The following PRLR variants were observed in gnomAD, a reference collection of about 807,000 sequenced individuals.
The protein encoded by PRLR is hPRL receptor.
Under a neutral mutation model 40.2 loss-of-function variants are expected in PRLR, and 13 were observed. That is an observed-to-expected ratio of 0.32 (90% CI 0.21 to 0.51). The LOEUF is 0.51. Among genes scored for constraint, PRLR ranks in the 20% least tolerant of loss-of-function variants. The probability of loss-of-function intolerance (pLI) is 0.97; values close to 1 mark genes in which losing one functional copy is unlikely to be tolerated. For missense variants in PRLR, 656 were observed against 747.3 expected (o/e 0.88, Z 1.42); for synonymous variants, 269 against 278.7 (o/e 0.97, Z 0.35).
In PRLR at chr5:35,060,732, A is replaced by C. The variant is rs1768986539; in HGVS notation, c.*4357T>G. 6.6e-6 allele frequency: 1 copy of C among 152,234 alleles called. No homozygotes were observed. Among genetic ancestry groups the C allele is most frequent in the African/African-American group, 2.4e-5 (1 of 41,470 alleles). The allele number at this position is 152,234 out of a possible 1,614,324, so 9.4% of individuals were successfully genotyped here. A position where few individuals can be genotyped will look rare whatever the true frequency, so the allele number is the denominator to read the frequency against. ...AAATTTGTTCACTCAAGAACACATG[A>C]GACTTTCGTCAATGGCACATCTACG... On this transcript the variant is annotated 3_prime_UTR_variant, in exon 10 of 10. Coordinates refer to ENST00000618457, the MANE Select transcript of PRLR (RefSeq NM_000949.7).
intron 1 of PRLR, among the ~76,000 whole-genome samples, chr5:35,132,328 C>T (rs923503941): frequency 1.3e-5 from 2 of 152,114 alleles, no homozygotes; most frequent in African/African-American, 2.4e-5. Context: ...GCTCCTGACC[C>T]CTCTTTCTAG....
chr5:35,151,946 T>C (rs1774353765), intron 1 of PRLR, among the ~76,000 whole-genome samples: 1 of 152,210 alleles, frequency 6.6e-6, no homozygotes, highest in South Asian at 2.1e-4. Context: ...ATAAAGCAAC[T>C]AGTTGACCGG....
chr5:35,214,240 C>T (rs1293822777), intron 1 of PRLR, among the ~76,000 whole-genome samples: 5 of 152,138 alleles, frequency 3.3e-5, no homozygotes, highest in Admixed American at 6.5e-5. Flanking sequence ...AGGAGTTTTC[C>T]TCCATGCTTA....
At chr5:35,162,733 G>A (rs1177438499) in intron 1 of PRLR, among the ~76,000 whole-genome samples, 2 of 152,276 alleles carry the variant, frequency 1.3e-5, no homozygotes, top group Admixed American at 6.5e-5. Flanking sequence ...GCAGCTCACT[G>A]GCTGCAGAAC....
rs559998751 is a variant in PRLR at position 35,062,824 on chromosome 5, A to C, written c.*2265T>G. On this transcript the variant is annotated 3_prime_UTR_variant, in exon 10 of 10. Transcript: ENST00000618457. The stretch of plus-strand genomic sequence containing the variant: ...TCATTCTTTTATGTGAATTCATATA[A>C]GATTCAGCATAATGTGAATCTTAAA... 4.6e-5 allele frequency: 7 copies of C among 152,348 alleles called. No individual in the cohort carries two copies. The South Asian group carries it at 1.0e-3, about 23-fold the overall frequency. 9.4% of individuals were successfully genotyped at this position (152,348 alleles called of 1,614,324 possible).
intron 1 of PRLR, among the ~76,000 whole-genome samples, chr5:35,161,168 C>T (rs1774662715): frequency 6.6e-6 from 1 of 152,188 alleles, no homozygotes; most frequent in African/African-American, 2.4e-5. Flanking sequence ...CCTTGGAAGA[C>T]ATCAGAGAAG....
chr5:35,131,692 C>T (rs1214507013), intron 1 of PRLR, among the ~76,000 whole-genome samples: 1 of 152,076 alleles, frequency 6.6e-6, no homozygotes, highest in Non-Finnish European at 1.5e-5. Context: ...TAGCTTGGAA[C>T]TCTGAACATA....
chr5:35,119,590 T>G (rs1773208247), intron 1 of PRLR, among the ~76,000 whole-genome samples: 1 of 152,200 alleles, frequency 6.6e-6, no homozygotes, highest in African/African-American at 2.4e-5. Flanking sequence ...TGGGGCACGT[T>G]TCTTAGGAGC....
intron 6 of PRLR, 130 bp downstream of exon 6, chr5:35,072,445 G>T: frequency 2.0e-6 from 2 of 1,011,156 alleles, no homozygotes; most frequent in South Asian, 3.3e-5. Flanking sequence ...TTCACATCTG[G>T]GTGGGTCACA....
At position 35,070,146 on chromosome 5, in the gene PRLR, C is replaced by T. The variant is rs780563899; in HGVS notation, c.663G>A (p.Ala221=). 3.3e-5 allele frequency: 53 copies of T among 1,613,236 alleles called. No homozygotes were observed. The highest frequency in any genetic ancestry group is 8.0e-5 in the African/African-American group (6 of 74,988). Residue 221 remains alanine (A), a synonymous_variant, in exon 7 of 10, where the codon GCG becomes GCA. Transcript: ENST00000618457. The part of the protein sequence containing the change: ...DHGYWSAWSP[A]TFIQIPSDFT... ...CACCACTAGGTATCTGAATGAAGGT[C>T]GCTGGACTCCATGCACTCCAGTATC...
In PRLR at chr5:35,200,060, T is replaced by G. The variant is rs147716988; in HGVS notation, c.-106+30208A>C. Among the ~76,000 whole-genome samples, 756 of 152,226 alleles carry G rather than the reference T, an allele frequency of 5.0e-3. 24 individuals carry two copies. Among genetic ancestry groups the G allele is most frequent in the Admixed American group, 0.047 (716 of 15,282 alleles). ...CTGATGATTGCCAAGAAAGAAGAGG[T>G]AGTGCTGGACAAAGCCGCACATTGT... On this transcript the variant is annotated intron_variant, in intron 1 of 9. Coordinates refer to ENST00000618457, the MANE Select transcript of PRLR (RefSeq NM_000949.7).
chr5:35,115,993 T>C (rs1432090326), intron 2 of PRLR, among the ~76,000 whole-genome samples: 1 of 152,196 alleles, frequency 6.6e-6, no homozygotes, highest in African/African-American at 2.4e-5. Context: ...AACTGAGCTG[T>C]GTTTCTGTTT....
At chr5:35,156,138 AACAAAAAAAAAAAC>A (rs1373417644) in intron 1 of PRLR, among the ~76,000 whole-genome samples, 1 of 149,332 alleles carries the variant, frequency 6.7e-6, no homozygotes, top group African/African-American at 2.5e-5. Context: ...AAAAAAAAAA[AACAAAAAAAAAAAC>A]AAAACCAACT....
In PRLR at chr5:35,065,168, G is replaced by A. The variant is rs151149907; in HGVS notation, c.1790C>T (p.Ala597Val). ...CTGGAGCCTGCACTTGCTTGATGTT[G>A]CAGTGAAGTTGGCCAGGGCTTTCTC... is the stretch of plus-strand genomic sequence containing the variant. Reference protein sequence around the residue: ...QAEKALANFTATSSKCRLQLG... With the variant: ...QAEKALANFTVTSSKCRLQLG... Residue 597 changes from alanine (A) to valine (V), a missense_variant, in exon 10 of 10, where the codon GCA (alanine) becomes GTA (valine). By Grantham distance (64) the Ala-to-Val change is moderately conservative (BLOSUM62 0). This residue lies in a region of PRLR where 469 missense variants were observed against 491.5 expected (regional missense o/e 0.95). Coordinates refer to ENST00000618457, the MANE Select transcript of PRLR (RefSeq NM_000949.7). The A allele has an allele frequency of 6.8e-6, 11 of 1,614,190 alleles. No homozygotes were observed. The highest frequency in any genetic ancestry group is 9.3e-6 in the Non-Finnish European group (11 of 1,180,034).
At chr5:35,190,085 G>A (rs1392165396) in intron 1 of PRLR, among the ~76,000 whole-genome samples, 1 of 152,300 alleles carries the variant, frequency 6.6e-6, no homozygotes, top group Non-Finnish European at 1.5e-5. Flanking sequence ...CTTCTGAGGT[G>A]AGTCGGCTTC....
chr5:35,092,165 T>C (rs1771252937), intron 2 of PRLR, among the ~76,000 whole-genome samples: 1 of 152,200 alleles, frequency 6.6e-6, no homozygotes, highest in South Asian at 2.1e-4. Flanking sequence ...AATAATGTCT[T>C]CAGGAAGTAT....
intron 3 of PRLR, among the ~76,000 whole-genome samples, chr5:35,087,625 A>G (rs551192154): frequency 6.6e-6 from 1 of 152,170 alleles, no homozygotes; most frequent in Admixed American, 6.5e-5. Flanking sequence ...CTGAGCAACC[A>G]CTGTTATCTA....
At chr5:35,099,765 A>G (rs1771752607) in intron 2 of PRLR, among the ~76,000 whole-genome samples, 1 of 152,244 alleles carries the variant, frequency 6.6e-6, no homozygotes, top group Non-Finnish European at 1.5e-5. Flanking sequence ...AAAAGTTTAA[A>G]AAGTAAAACA....
chr5:35,207,084 T>C (rs949193720), intron 1 of PRLR, among the ~76,000 whole-genome samples: 8 of 152,124 alleles, frequency 5.3e-5, no homozygotes, highest in African/African-American at 1.9e-4. Flanking sequence ...AACACACTTT[T>C]AAAAATGTTA....
Sources: allele counts gnomAD v4.1 joint callset (sites outside exome capture counted in the v4.1 genomes callset), GRCh38; gene constraint gnomAD v4.1.1; regional missense constraint gnomAD v4.1.1; transcripts MANE v1.5; gene names NCBI Gene and HGNC (gene_info 2026-07-23, HGNC 2026-07-21).